Variants in SLIT3 observed in about 807,000 individuals in gnomAD.
SLIT3 encodes slit homolog 3 protein.
Under a neutral mutation model 184.0 loss-of-function variants are expected in SLIT3, and 68 were observed. The observed-to-expected ratio is 0.37, with a 90% confidence interval of 0.30 to 0.45. The LOEUF is 0.45. Ranked by LOEUF, SLIT3 falls within the 20% of genes least tolerant of loss-of-function variation. SLIT3 has a pLI of 1.00. For missense variants in SLIT3, 1,707 were observed against 2,026.0 expected, an observed-to-expected ratio of 0.84 and a Z score of 3.02; for synonymous variants, 831 against 828.6, an observed-to-expected ratio of 1.00 and a Z score of -0.05.
At chr5:168,759,368 C>T (rs1755058892) in intron 16 of SLIT3, among the ~76,000 whole-genome samples, 1 of 152,150 alleles carries the variant, frequency 6.6e-6, no homozygotes, top group Non-Finnish European at 1.5e-5. Flanking sequence ...ATGGCTGATC[C>T]ATAATGTTGA....
At chr5:169,110,791 G>A (rs900015693) in intron 4 of SLIT3, among the ~76,000 whole-genome samples, 17 of 152,204 alleles carry the variant, frequency 1.1e-4, no homozygotes, top group Middle Eastern at 3.4e-3. Flanking sequence ...TTTTTGCAGC[G>A]TAGCTCACCC....
intron 4 of SLIT3, among the ~76,000 whole-genome samples, chr5:169,079,611 G>A (rs1370501616): frequency 8.2e-6 from 1 of 121,402 alleles, no homozygotes; most frequent in Non-Finnish European, 1.7e-5. Flanking sequence ...AGGAGGAGGA[G>A]GAAGGAGGAG....
chr5:168,989,750 G>A (rs906050868), intron 4 of SLIT3, among the ~76,000 whole-genome samples: 9 of 152,078 alleles, frequency 5.9e-5, no homozygotes, highest in African/African-American at 1.9e-4. Flanking sequence ...AACAAGAAAC[G>A]TAGAAAATCA....
intron 5 of SLIT3, among the ~76,000 whole-genome samples, chr5:168,863,743 A>C (rs1245448343): frequency 2.0e-5 from 3 of 152,330 alleles, no homozygotes; most frequent in African/African-American, 7.2e-5. Flanking sequence ...TTTAACTCAT[A>C]AAATTGTTTT....
chr5:168,844,676 G>A, intron 5 of SLIT3, 21 bp from the exon 6 acceptor site: 1 of 1,613,372 alleles, frequency 6.2e-7, no homozygotes, highest in Non-Finnish European at 8.5e-7. Flanking sequence ...GCAGGGGAGA[G>A]CATGAAGGCT....
At chr5:169,277,920 G>T (rs570793744) in intron 1 of SLIT3, among the ~76,000 whole-genome samples, 1 of 152,124 alleles carries the variant, frequency 6.6e-6, no homozygotes, top group Non-Finnish European at 1.5e-5. Context: ...TTATTTTCTG[G>T]GTTATGTTTT....
At chr5:168,765,785 A>G (rs988895994) in intron 14 of SLIT3, among the ~76,000 whole-genome samples, 4 of 152,092 alleles carry the variant, frequency 2.6e-5, no homozygotes, top group Non-Finnish European at 5.9e-5. Flanking sequence ...ATAAAACTCA[A>G]CCTCGGCTGA....
intron 22 of SLIT3, 83 bp from the exon 23 acceptor site, chr5:168,722,410 G>A (rs1762973984): frequency 6.6e-6 from 8 of 1,204,010 alleles, no homozygotes; most frequent in South Asian, 6.3e-5. Context: ...GTGAAACAAA[G>A]CAAATGGTTT....
At chr5:168,756,530 C>T (rs1340064721) in intron 16 of SLIT3, among the ~76,000 whole-genome samples, 1 of 152,216 alleles carries the variant, frequency 6.6e-6, no homozygotes, top group Non-Finnish European at 1.5e-5. Flanking sequence ...CAGCATCCCT[C>T]GCCCAAGGTC....
intron 4 of SLIT3, among the ~76,000 whole-genome samples, chr5:168,919,247 G>A (rs1402590181): frequency 7.0e-6 from 1 of 142,234 alleles, no homozygotes; most frequent in Non-Finnish European, 1.5e-5. Flanking sequence ...GGGACACAGC[G>A]AGACTCCATC....
At chr5:168,708,308 G>A (rs950456085) in intron 25 of SLIT3, 1 of 617,170 alleles carries the variant, frequency 1.6e-6, no homozygotes, top group African/African-American at 1.8e-5. Flanking sequence ...AAAAATCACA[G>A]TGGGACATCA....
chr5:168,696,458 G>A (rs747343729), intron 27 of SLIT3, 27 bp from the exon 28 acceptor site: 1 of 1,613,100 alleles, frequency 6.2e-7, no homozygotes, highest in Admixed American at 1.7e-5. Flanking sequence ...GTGGAGAGCA[G>A]GGGAGTCAGG....
Position 168,774,219 on chromosome 5 carries a change from G to A in SLIT3, c.1295+16C>T, listed in dbSNP as rs748968731. 2.1e-5 allele frequency: 33 copies of A among 1,582,638 alleles called. No homozygotes were observed. In the East Asian group the frequency reaches 2.7e-4, roughly 13 times the overall value. ...GCTGCTTGGGCACCCACTGGCACCC[G>A]AGGCAGTGTACTCACAGTGTCTGGA... On this transcript the variant is annotated intron_variant, in intron 13 of 35. Transcript: ENST00000519560.
chr5:169,143,401 G>C (rs1246178287), intron 4 of SLIT3, among the ~76,000 whole-genome samples: 1 of 152,218 alleles, frequency 6.6e-6, no homozygotes, highest in Non-Finnish European at 1.5e-5. Flanking sequence ...TGTGGCTAAA[G>C]GTTAGTACAG....
At chr5:169,224,381 A>T (rs199768037) in intron 3 of SLIT3, among the ~76,000 whole-genome samples, 3,883 of 74,768 alleles carry the variant, frequency 0.052, 141 homozygotes, top group South Asian at 0.18. Context: ...TTATTTATTT[A>T]TTTATTTTTT....
chr5:168,836,261 C>G (rs988107072), intron 6 of SLIT3, among the ~76,000 whole-genome samples: 1 of 152,220 alleles, frequency 6.6e-6, no homozygotes, highest in Non-Finnish European at 1.5e-5. Flanking sequence ...TCAAGAGGAA[C>G]AAGGCTCCCT....
intron 4 of SLIT3, among the ~76,000 whole-genome samples, chr5:169,053,694 C>G (rs780860544): frequency 6.6e-6 from 1 of 151,994 alleles, no homozygotes; most frequent in East Asian, 1.9e-4. Flanking sequence ...TGGAATTCCC[C>G]GCCCCCTTCT....
At chr5:169,140,021 G>GA in intron 4 of SLIT3, among the ~76,000 whole-genome samples, 1 of 152,248 alleles carries the variant, frequency 6.6e-6, no homozygotes, top group East Asian at 1.9e-4. Flanking sequence ...ATCACAGCCA[G>GA]AAATGGGTCC....
Position 168,748,331 on chromosome 5 carries a change from G to C in SLIT3, c.2241C>G (p.Pro747=). The change falls in exon 20 of 36, where the codon CCC becomes CCG. Residue 747 remains proline, a synonymous_variant. Transcript: ENST00000519560. ...RCSNKGLRAL[P]RGMPKDVTEL... ...CGGTCACATCCTTGGGCATGCCTCT[G>C]GGGAGGGCGCGGAGCCCCTTGTTGC... 1 of 1,491,068 alleles carries C rather than the reference G, an allele frequency of 6.7e-7. No individual in the cohort carries two copies. The highest frequency in any genetic ancestry group is 8.9e-7 in the Non-Finnish European group (1 of 1,126,160). The allele number at this position is 1,491,068 out of a possible 1,614,324, so 92.4% of individuals were successfully genotyped here. A position where few individuals can be genotyped will look rare whatever the true frequency, so the allele number is the denominator to read the frequency against.
Sources: gnomAD v4.1 joint callset for allele counts (sites outside exome capture counted in the v4.1 genomes callset) on GRCh38, gnomAD v4.1.1 for gene constraint, MANE v1.5 for transcripts, NCBI Gene and HGNC (gene_info 2026-07-23, HGNC 2026-07-21) for gene names.